HNRNPLL: variants seen among roughly 807,000 people sequenced by gnomAD.
The protein encoded by HNRNPLL is heterogeneous nuclear ribonucleoprotein L like, also known as heterogeneous nuclear ribonucleoprotein L-like.
A neutral mutation model predicts 67.1 loss-of-function variants in HNRNPLL; 25 were observed. That is an observed-to-expected ratio of 0.37 (90% CI 0.27 to 0.52). The LOEUF is 0.52. Ranked by LOEUF, HNRNPLL falls within the 20% of genes least tolerant of loss-of-function variation. The pLI is 0.90. For synonymous variants in HNRNPLL, 267 were observed against 241.7 expected (o/e 1.10, Z -0.97); for missense variants, 542 against 673.9 (o/e 0.80, Z 2.17).
At chr2:38,591,806 T>C (rs1041170831) in intron 1 of HNRNPLL, among the ~76,000 whole-genome samples, 158 bp from the exon 2 acceptor site, 1 of 152,056 alleles carries the variant, frequency 6.6e-6, no homozygotes, top group East Asian at 1.9e-4. Flanking sequence ...TGAAACCCCA[T>C]CTCTACTAAA....
intron 7 of HNRNPLL, 73 bp downstream of exon 7, chr2:38,577,388 G>T: frequency 2.2e-6 from 2 of 926,090 alleles, no homozygotes; most frequent in South Asian, 1.3e-5. Context: ...CAAGAAATGT[G>T]CCATACTTCA....
At chr2:38,588,754 A>AT (rs1666838975) in intron 2 of HNRNPLL, among the ~76,000 whole-genome samples, 1 of 152,164 alleles carries the variant, frequency 6.6e-6, no homozygotes, top group African/African-American at 2.4e-5. Context: ...AAACGCACTC[A>AT]TATGAAACCA....
At chr2:38,567,553 A>G (rs115250585) in intron 12 of HNRNPLL, among the ~76,000 whole-genome samples, 153 of 152,272 alleles carry the variant, frequency 1.0e-3, no homozygotes, top group African/African-American at 3.5e-3. Flanking sequence ...AAACATATGC[A>G]TGTATTGCTT....
intron 1 of HNRNPLL, among the ~76,000 whole-genome samples, chr2:38,593,913 G>C (rs781415077): frequency 4.0e-5 from 6 of 149,626 alleles, no homozygotes; most frequent in Admixed American, 6.7e-5. Flanking sequence ...AGTGGCTTAC[G>C]CCTGCAATCC....
Position 38,585,890 on chromosome 2 carries a change from G to C in HNRNPLL, c.309-9C>G, listed in dbSNP as rs1238308103. 6.7e-7 allele frequency: 1 copy of C among 1,495,830 alleles called. No homozygotes were observed. Among genetic ancestry groups the C allele is most frequent in the East Asian group, 2.3e-5 (1 of 44,358 alleles). 92.7% of individuals were successfully genotyped at this position (1,495,830 alleles called of 1,614,324 possible). A position where few individuals can be genotyped will look rare whatever the true frequency, so the allele number is the denominator to read the frequency against. ...GCATCATCATCACATAGCTGAAAAG[G>C]GAGAAAAGGAGGAAACACACAAACA... On this transcript the variant is annotated splice_polypyrimidine_tract_variant and intron_variant, in intron 2 of 12. Coordinates refer to ENST00000449105, the MANE Select transcript of HNRNPLL (RefSeq NM_138394.4).
chr2:38,600,241 TAAAC>T (rs1252807512), intron 1 of HNRNPLL, among the ~76,000 whole-genome samples: 2 of 152,230 alleles, frequency 1.3e-5, no homozygotes, highest in Admixed American at 1.3e-4. Flanking sequence ...AGCAGTAAGA[TAAAC>T]AAAAAAATTA....
intron 2 of HNRNPLL, among the ~76,000 whole-genome samples, chr2:38,590,119 G>A (rs1666900521): frequency 6.6e-6 from 1 of 152,108 alleles, no homozygotes; most frequent in Admixed American, 6.5e-5. Flanking sequence ...ACTTTACTAT[G>A]CCCATGCGGA....
Position 38,568,259 on chromosome 2 carries a change from A to C in HNRNPLL, c.1513T>G (p.Cys505Gly). 1 of 1,613,696 alleles carries C rather than the reference A, an allele frequency of 6.2e-7. No homozygotes were observed. Among genetic ancestry groups the C allele is most frequent in the Non-Finnish European group, 8.5e-7 (1 of 1,179,758 alleles). Residue 505 changes from cysteine (C) to glycine (G), a missense_variant, in exon 12 of 13, where the codon TGC (cysteine) becomes GGC (glycine). This residue lies in a region of HNRNPLL where 415 missense variants were observed against 575.2 expected (regional missense o/e 0.72). Transcript: ENST00000449105. ...AGGGCTTCTACTGCATCAGTTTTGC[A>C]CTCCCATTCTAATAGCCCAGAAAGT... ...KTLSGLLEWECKTDAVEALTA... is the reference protein window; with the variant it reads ...KTLSGLLEWEGKTDAVEALTA...
chr2:38,596,290 T>A (rs1259946666), intron 1 of HNRNPLL, among the ~76,000 whole-genome samples: 1 of 151,580 alleles, frequency 6.6e-6, no homozygotes, highest in African/African-American at 2.4e-5. Flanking sequence ...TGAGACAGAG[T>A]CTCGCTCTAT....
intron 1 of HNRNPLL, among the ~76,000 whole-genome samples, chr2:38,592,342 T>C (rs1160962361): frequency 6.6e-6 from 1 of 152,242 alleles, no homozygotes; most frequent in Admixed American, 6.5e-5. Context: ...CAAAAATTTT[T>C]CCTCAACATG....
At chr2:38,574,094 G>C (rs746230489) in intron 7 of HNRNPLL, among the ~76,000 whole-genome samples, 1 of 151,850 alleles carries the variant, frequency 6.6e-6, no homozygotes, top group African/African-American at 2.4e-5. Context: ...TATTTCAGCA[G>C]AAAAACACAC....
intron 2 of HNRNPLL, among the ~76,000 whole-genome samples, chr2:38,590,141 T>C (rs528887060): frequency 3.3e-5 from 5 of 152,324 alleles, no homozygotes; most frequent in African/African-American, 1.2e-4. Flanking sequence ...TCTCAATTTG[T>C]ACATCCAAGG....
At chr2:38,574,165 T>C (rs1666208091) in intron 7 of HNRNPLL, among the ~76,000 whole-genome samples, 1 of 151,880 alleles carries the variant, frequency 6.6e-6, no homozygotes, top group African/African-American at 2.4e-5. Flanking sequence ...AACTTTAGAG[T>C]AGCTTTAAAC....
At chr2:38,574,281 A>G (rs945583779) in intron 7 of HNRNPLL, among the ~76,000 whole-genome samples, 1 of 151,876 alleles carries the variant, frequency 6.6e-6, no homozygotes, top group African/African-American at 2.4e-5. Context: ...AAGTAGACAC[A>G]GGGCACATTT....
intron 8 of HNRNPLL, among the ~76,000 whole-genome samples, chr2:38,570,241 T>G (rs1666020368): frequency 6.6e-6 from 1 of 152,200 alleles, no homozygotes; most frequent in South Asian, 2.1e-4. Context: ...GATAATACCA[T>G]CTGGCAGGAC....
At chr2:38,564,624 A>AAG (rs1665783114) in intron 12 of HNRNPLL, among the ~76,000 whole-genome samples, 1 of 151,270 alleles carries the variant, frequency 6.6e-6, no homozygotes, top group African/African-American at 2.4e-5. Context: ...AAAAAAAAAA[A>AAG]AAAAAAAAAA....
Position 38,569,128 on chromosome 2 carries a change from C to T in HNRNPLL, c.1416+5G>A, listed in dbSNP as rs202179441. 4.4e-5 allele frequency: 69 copies of T among 1,572,336 alleles called. No homozygotes were observed. The African/African-American group carries it at 8.8e-4, about 20-fold the overall frequency. ...TTCTATACACATTTGTATTTCAGTG[C>T]CTACCTTTGTGAAGGTCTCTTCTGT... is the stretch of plus-strand genomic sequence containing the variant. On this transcript the variant is annotated splice_donor_5th_base_variant and intron_variant, in intron 10 of 12. Coordinates refer to ENST00000449105, the MANE Select transcript of HNRNPLL (RefSeq NM_138394.4).
intron 2 of HNRNPLL, among the ~76,000 whole-genome samples, chr2:38,591,014 AAAG>A (rs1666940123): frequency 6.6e-6 from 1 of 152,178 alleles, no homozygotes; most frequent in African/African-American, 2.4e-5. Flanking sequence ...CAAAAAATAA[AAAG>A]AACTCAGCAA....
chr2:38,593,862 C>A (rs1288555025), intron 1 of HNRNPLL, among the ~76,000 whole-genome samples: 155 of 141,592 alleles, frequency 1.1e-3, no homozygotes, highest in South Asian at 1.4e-3. Flanking sequence ...GACTCCGTCT[C>A]AAAAAAAAAA....
Sources: allele counts gnomAD v4.1 joint callset (sites outside exome capture counted in the v4.1 genomes callset), GRCh38; gene constraint gnomAD v4.1.1; regional missense constraint gnomAD v4.1.1; transcripts MANE v1.5; gene names NCBI Gene and HGNC (gene_info 2026-07-23, HGNC 2026-07-21).